SPINK9: variants seen among roughly 807,000 people sequenced by gnomAD.
The protein encoded by SPINK9 is serine protease inhibitor Kazal-type 9.
In SPINK9, 3 loss-of-function variants were observed where a neutral mutation model predicts 10.8. The ratio of observed to expected loss-of-function variants is 0.28; its 90% CI spans 0.13 to 0.72. SPINK9 has a LOEUF of 0.72. Among genes scored for constraint, SPINK9 ranks in the 30% least tolerant of loss-of-function variants. SPINK9 has a pLI of 0.74. For synonymous variants in SPINK9, 30 were observed against 31.2 expected, an observed-to-expected ratio of 0.96 and a Z score of 0.12; for missense variants, 101 against 103.2, an observed-to-expected ratio of 0.98 and a Z score of 0.09.
chr5:148,330,882 C>T (rs546569124), upstream of SPINK9, among the ~76,000 whole-genome samples: 34 of 152,292 alleles, frequency 2.2e-4, no homozygotes, highest in South Asian at 1.7e-3. Context: ...TAGGACCCTC[C>T]GAGCCATGTG....
intron 2 of SPINK9, among the ~76,000 whole-genome samples, chr5:148,327,127 C>T (rs1757073434): frequency 6.6e-6 from 1 of 152,192 alleles, no homozygotes; most frequent in Non-Finnish European, 1.5e-5. Flanking sequence ...AACAGTCCCA[C>T]CAACAGTGTA....
intron 1 of SPINK9, among the ~76,000 whole-genome samples, chr5:148,322,828 T>C (rs777846567): frequency 6.6e-6 from 1 of 152,124 alleles, no homozygotes; most frequent in Non-Finnish European, 1.5e-5. Context: ...CTGCAATCTA[T>C]ATGACATCCA....
At chr5:148,335,351 C>T (rs1757202641), upstream of SPINK9, among the ~76,000 whole-genome samples, 1 of 152,174 alleles carries the variant, frequency 6.6e-6, no homozygotes, top group Non-Finnish European at 1.5e-5. Flanking sequence ...AGCAAAGCTA[C>T]CATCTCATTC....
chr5:148,329,713 C>T (rs1367711015), intron 2 of SPINK9, among the ~76,000 whole-genome samples: 1 of 151,986 alleles, frequency 6.6e-6, no homozygotes, highest in Admixed American at 6.6e-5. Flanking sequence ...TGTCTTTGTT[C>T]TCGTTGGTTT....
At chr5:148,323,528 G>A (rs1757022501) in intron 1 of SPINK9, among the ~76,000 whole-genome samples, 1 of 152,122 alleles carries the variant, frequency 6.6e-6, no homozygotes, top group Non-Finnish European at 1.5e-5. Flanking sequence ...GAATTTATAA[G>A]TATTTCTTAC....
upstream of SPINK9, among the ~76,000 whole-genome samples, chr5:148,333,662 T>A (rs944926868): frequency 6.6e-6 from 1 of 152,174 alleles, no homozygotes; most frequent in Non-Finnish European, 1.5e-5. Context: ...GAGGCATGTC[T>A]TATGGAGAAG....
intron 1 of SPINK9, 64 bp from the exon 2 acceptor site, chr5:148,336,358 C>A (rs2113422960): frequency 6.5e-7 from 1 of 1,536,154 alleles, no homozygotes; most frequent in Non-Finnish European, 9.0e-7. Context: ...ATCAAAGATT[C>A]TTTTTCTAGT....
chr5:148,325,090 T>C (rs766881267), intron 2 of SPINK9, among the ~76,000 whole-genome samples: 2 of 152,118 alleles, frequency 1.3e-5, no homozygotes, highest in African/African-American at 2.4e-5. Flanking sequence ...GGTTAATCCA[T>C]GTTGTGGCAT....
At chr5:148,327,217 G>T (rs1350531289) in intron 2 of SPINK9, among the ~76,000 whole-genome samples, 1 of 152,216 alleles carries the variant, frequency 6.6e-6, no homozygotes, top group African/African-American at 2.4e-5. Context: ...ACTGGTGTGA[G>T]ATGGTATCTC....
At chr5:148,329,138 C>CT (rs1302951778) in intron 2 of SPINK9, among the ~76,000 whole-genome samples, 1 of 151,808 alleles carries the variant, frequency 6.6e-6, no homozygotes, top group Non-Finnish European at 1.5e-5. Flanking sequence ...TGGTCCTGGA[C>CT]TTTTTTTTGT....
At chr5:148,338,914 C>T (rs982651676) in intron 3 of SPINK9, among the ~76,000 whole-genome samples, 1 of 152,138 alleles carries the variant, frequency 6.6e-6, no homozygotes, top group Non-Finnish European at 1.5e-5. Context: ...CAAGTAGTCT[C>T]ACAGTCCACC....
upstream of SPINK9, among the ~76,000 whole-genome samples, chr5:148,335,249 T>G (rs578116058): frequency 6.6e-6 from 1 of 152,342 alleles, no homozygotes; most frequent in South Asian, 2.1e-4. Flanking sequence ...TAAAACTTAT[T>G]AAACCATGGC....
intron 2 of SPINK9, among the ~76,000 whole-genome samples, chr5:148,328,594 A>T (rs552038947): frequency 6.6e-6 from 1 of 152,250 alleles, no homozygotes; most frequent in South Asian, 2.1e-4. Context: ...TTTCAAAGGG[A>T]ATGCTTCCAG....
chr5:148,326,201 C>T (rs1757057893), intron 2 of SPINK9, among the ~76,000 whole-genome samples: 1 of 152,150 alleles, frequency 6.6e-6, no homozygotes, highest in African/African-American at 2.4e-5. Flanking sequence ...TAGTATATCA[C>T]TTTGCACCTG....
chr5:148,326,597 T>A (rs1309974818), intron 2 of SPINK9, among the ~76,000 whole-genome samples: 1 of 152,158 alleles, frequency 6.6e-6, no homozygotes, highest in Non-Finnish European at 1.5e-5. Flanking sequence ...ATGTGCCATG[T>A]TGGTGTGCTG....
chr5:148,337,131 AGTAGCTGTGAGAGGAT>A (rs1476506992), intron 2 of SPINK9, among the ~76,000 whole-genome samples: 1 of 152,168 alleles, frequency 6.6e-6, no homozygotes, highest in Non-Finnish European at 1.5e-5. Context: ...TTCATGATTT[AGTAGCTGTGAGAGGAT>A]GTAAAGGATT....
At chr5:148,335,192 C>A (rs1455286789), upstream of SPINK9, among the ~76,000 whole-genome samples, 1 of 152,092 alleles carries the variant, frequency 6.6e-6, no homozygotes, top group East Asian at 1.9e-4. Context: ...ACTTTTGTAG[C>A]CTTTATTAAA....
intron 2 of SPINK9, 38 bp from the exon 3 acceptor site, chr5:148,338,440 G>T (rs763539386): frequency 1.9e-6 from 3 of 1,563,310 alleles, no homozygotes; most frequent in East Asian, 4.6e-5. Flanking sequence ...ATAAAGATTT[G>T]GTTGAAAGAG....
upstream of SPINK9, among the ~76,000 whole-genome samples, chr5:148,333,115 C>T (rs1057101985): frequency 3.3e-5 from 5 of 152,106 alleles, no homozygotes; most frequent in Admixed American, 1.3e-4. Flanking sequence ...TCCAAGTAGC[C>T]AAGAGGACTC....
Sources: allele counts gnomAD v4.1 joint callset (sites outside exome capture counted in the v4.1 genomes callset), GRCh38; gene constraint gnomAD v4.1.1; transcripts MANE v1.5; gene names NCBI Gene and HGNC (gene_info 2026-07-23, HGNC 2026-07-21).